CNTNAP2: variants seen among roughly 807,000 people sequenced by gnomAD.
CNTNAP2 encodes the protein contactin associated protein 2.
CNTNAP2 carries 98 observed loss-of-function variants against 155.2 expected under a neutral mutation model. That is an observed-to-expected ratio of 0.63 (90% confidence interval 0.54 to 0.75). The LOEUF (loss-of-function observed/expected upper bound fraction) is 0.75, where lower values mean the gene tolerates loss of function less well. Ranked by LOEUF, CNTNAP2 falls within the 30% of genes least tolerant of loss-of-function variation. The probability of loss-of-function intolerance (pLI) is 0.00; values close to 1 mark genes in which losing one functional copy is unlikely to be tolerated. For missense variants in CNTNAP2, 1,727 were observed against 1,688.1 expected, an observed-to-expected ratio of 1.02 and a Z score of -0.40; for synonymous variants, 651 against 631.2, an observed-to-expected ratio of 1.03 and a Z score of -0.47.
chr7:146,956,835 G>A (rs547741790), intron 3 of CNTNAP2, among the ~76,000 whole-genome samples: 3 of 152,192 alleles, frequency 2.0e-5, no homozygotes, highest in East Asian at 1.9e-4. Context: ...GAAGAGTAAC[G>A]AAACAAGAAT....
intron 1 of CNTNAP2, among the ~76,000 whole-genome samples, chr7:146,585,646 G>A (rs184182085): frequency 1.9e-4 from 29 of 151,502 alleles, no homozygotes; most frequent in Admixed American, 1.4e-3. Context: ...TAAAATTGAC[G>A]AGTTATCAAA....
intron 13 of CNTNAP2, among the ~76,000 whole-genome samples, chr7:147,798,221 G>A (rs989423516): frequency 8.5e-5 from 13 of 152,126 alleles, no homozygotes; most frequent in Non-Finnish European, 1.0e-4. Flanking sequence ...AAAGGAGCAT[G>A]CAAATTTCAG....
chr7:147,504,098 G>A (rs545256475), intron 11 of CNTNAP2, among the ~76,000 whole-genome samples: 1 of 152,276 alleles, frequency 6.6e-6, no homozygotes, highest in Admixed American at 6.5e-5. Context: ...CTTCTGCCAT[G>A]GCATTTCCAA....
chr7:147,268,110 C>A (rs1322113671), intron 8 of CNTNAP2, among the ~76,000 whole-genome samples: 1 of 152,032 alleles, frequency 6.6e-6, no homozygotes, highest in African/African-American at 2.4e-5. Context: ...GCATTACAGT[C>A]CAAATATTTT....
intron 15 of CNTNAP2, among the ~76,000 whole-genome samples, chr7:148,049,538 T>C (rs901200126): frequency 1.3e-5 from 2 of 152,196 alleles, no homozygotes; most frequent in African/African-American, 4.8e-5. Flanking sequence ...GGCTGTATAG[T>C]TCACACCACA....
rs1554414674 is a variant in CNTNAP2 at position 148,301,306 on chromosome 7, A to ATATATAT, written c.3475+34180_3475+34181insTATATAT. Among the ~76,000 whole-genome samples, 43 of 103,850 alleles carry ATATATAT rather than the reference A, an allele frequency of 4.1e-4. 1 individual carries two copies. Among genetic ancestry groups the ATATATAT allele is most frequent in the African/African-American group, 9.4e-4 (25 of 26,572 alleles). The allele number at this position is 103,850 out of a possible 152,430, so 68.1% of individuals were successfully genotyped here. A position where few individuals can be genotyped will look rare whatever the true frequency, so the allele number is the denominator to read the frequency against. On this transcript the variant is annotated intron_variant, in intron 21 of 23. Coordinates refer to ENST00000361727, the MANE Select transcript of CNTNAP2 (RefSeq NM_014141.6). ...GAGACTCCGTCTAAAAAAAAAAAAAAATATATATATATATATAGGTTAAAA... is the reference window on the plus strand; with the variant it reads ...GAGACTCCGTCTAAAAAAAAAAAAAATATATATATATATATATATATATAGGTTAAAA...
chr7:146,280,012 A>T (rs1800225428), intron 1 of CNTNAP2, among the ~76,000 whole-genome samples: 1 of 152,160 alleles, frequency 6.6e-6, no homozygotes, highest in Non-Finnish European at 1.5e-5. Flanking sequence ...AAAAGTTTAA[A>T]CTAGATTGAA....
intron 1 of CNTNAP2, among the ~76,000 whole-genome samples, chr7:146,388,410 G>C (rs1795491562): frequency 6.6e-6 from 1 of 152,116 alleles, no homozygotes; most frequent in South Asian, 2.1e-4. Flanking sequence ...ACTCCAGCCT[G>C]GGTGACAGAG....
chr7:147,579,089 C>A (rs1005199406), intron 12 of CNTNAP2, among the ~76,000 whole-genome samples: 5 of 152,100 alleles, frequency 3.3e-5, no homozygotes, highest in African/African-American at 1.2e-4. Context: ...GGTTCCAAAT[C>A]TCTTCCTAAT....
chr7:147,961,952 G>A (rs1487620115), intron 14 of CNTNAP2, among the ~76,000 whole-genome samples: 1 of 152,138 alleles, frequency 6.6e-6, no homozygotes, highest in Non-Finnish European at 1.5e-5. Context: ...AAAGAGAATA[G>A]GAAAGGCAAC....
At chr7:147,414,596 T>C (rs894855939) in intron 10 of CNTNAP2, among the ~76,000 whole-genome samples, 3 of 152,082 alleles carry the variant, frequency 2.0e-5, no homozygotes, top group African/African-American at 7.2e-5. Flanking sequence ...GAGTTCTTAG[T>C]TATGAATAAA....
chr7:146,789,867 C>T (rs145977758), intron 2 of CNTNAP2, among the ~76,000 whole-genome samples: 2 of 149,956 alleles, frequency 1.3e-5, no homozygotes, highest in Non-Finnish European at 3.0e-5. Context: ...AAACCTCAAC[C>T]ACAAAATATA....
intron 3 of CNTNAP2, among the ~76,000 whole-genome samples, chr7:147,031,964 T>C (rs1231111753): frequency 6.6e-6 from 1 of 152,158 alleles, no homozygotes; most frequent in Non-Finnish European, 1.5e-5. Flanking sequence ...GAAAAGTGTA[T>C]ACACACGGTG....
chr7:146,422,145 C>T (rs4725693), intron 1 of CNTNAP2, among the ~76,000 whole-genome samples: 42,937 of 150,670 alleles, frequency 0.28, 6,281 homozygotes, highest in Admixed American at 0.42. Context: ...TTTTTACATG[C>T]ATGAATTATA....
intron 13 of CNTNAP2, among the ~76,000 whole-genome samples, chr7:147,782,658 A>G (rs1252831937): frequency 2.0e-5 from 3 of 152,208 alleles, no homozygotes; most frequent in Admixed American, 6.5e-5. Context: ...AAAGGTCCCA[A>G]CACTTAATAC....
intron 1 of CNTNAP2, among the ~76,000 whole-genome samples, chr7:146,570,705 G>A (rs768694239): frequency 6.6e-6 from 1 of 152,028 alleles, no homozygotes; most frequent in Non-Finnish European, 1.5e-5. Context: ...TTTAGATTCT[G>A]TATGTTGACA....
At chr7:148,302,398 G>A (rs1477126739) in intron 21 of CNTNAP2, among the ~76,000 whole-genome samples, 2 of 152,150 alleles carry the variant, frequency 1.3e-5, no homozygotes, top group African/African-American at 2.4e-5. Context: ...GAATATTAAA[G>A]CTCACACTGA....
chr7:147,648,240 G>T (rs1795398877), intron 13 of CNTNAP2, among the ~76,000 whole-genome samples: 1 of 152,146 alleles, frequency 6.6e-6, no homozygotes, highest in African/African-American at 2.4e-5. Flanking sequence ...ATAGGTCCCA[G>T]GAGAGAAAGA....
chr7:148,019,573 C>T (rs1367379295), intron 15 of CNTNAP2, among the ~76,000 whole-genome samples: 2 of 152,072 alleles, frequency 1.3e-5, no homozygotes, highest in Admixed American at 6.5e-5. Flanking sequence ...TCTTGTGCCT[C>T]GGGCTCCTGA....
Sources: gnomAD v4.1 joint callset for allele counts (sites outside exome capture counted in the v4.1 genomes callset) on GRCh38, gnomAD v4.1.1 for gene constraint, MANE v1.5 for transcripts, NCBI Gene and HGNC (gene_info 2026-07-23, HGNC 2026-07-21) for gene names.